DOK6: variants seen among roughly 807,000 people sequenced by gnomAD.
DOK6 encodes the protein downstream of tyrosine kinase 6.
Under a neutral mutation model 44.0 loss-of-function variants are expected in DOK6, and 22 were observed. The ratio of observed to expected loss-of-function variants is 0.50; its 90% CI spans 0.36 to 0.71. The LOEUF (loss-of-function observed/expected upper bound fraction) is 0.71. Ranked by LOEUF, DOK6 falls within the 30% of genes least tolerant of loss-of-function variation. The pLI is 0.00. For synonymous variants in DOK6, 166 were observed against 145.5 expected (o/e 1.14, Z -1.01); for missense variants, 340 against 416.4 (o/e 0.82, Z 1.60).
intron 5 of DOK6, among the ~76,000 whole-genome samples, chr18:69,728,224 C>T (rs543647729): frequency 6.6e-6 from 1 of 152,334 alleles, no homozygotes; most frequent in Admixed American, 6.5e-5. Flanking sequence ...CTTTAGCTCA[C>T]CTATCTAGAG....
chr18:69,636,412 G>A (rs1984810777), intron 3 of DOK6, among the ~76,000 whole-genome samples: 1 of 152,166 alleles, frequency 6.6e-6, no homozygotes, highest in Non-Finnish European at 1.5e-5. Context: ...TTCTGTCTAT[G>A]TATATGGCCT....
chr18:69,532,944 A>G (rs1982025446), intron 1 of DOK6: 1 of 152,158 alleles, frequency 6.6e-6, no homozygotes. Context: ...CAAAGTAAAC[A>G]TTGTTTTCTC....
intron 1 of DOK6, among the ~76,000 whole-genome samples, chr18:69,434,671 C>G (rs1978899380): frequency 9.5e-6 from 1 of 104,776 alleles, no homozygotes; most frequent in East Asian, 5.5e-4. Flanking sequence ...CGCCTGTAAT[C>G]CCAGCACTTT....
At chr18:69,574,888 C>T (rs1434827916) in intron 2 of DOK6, among the ~76,000 whole-genome samples, 1 of 151,836 alleles carries the variant, frequency 6.6e-6, no homozygotes, top group Non-Finnish European at 1.5e-5. Flanking sequence ...TTATAATATT[C>T]CCACTTCCCA....
At chr18:69,596,403 A>C (rs1983741263) in intron 2 of DOK6, among the ~76,000 whole-genome samples, 1 of 152,174 alleles carries the variant, frequency 6.6e-6, no homozygotes, top group Non-Finnish European at 1.5e-5. Context: ...AAGTAGGATA[A>C]ATGCAAAGTG....
intron 1 of DOK6, among the ~76,000 whole-genome samples, chr18:69,459,111 A>T (rs546273027): frequency 1.1e-3 from 107 of 99,412 alleles, no homozygotes; most frequent in Non-Finnish European, 1.7e-3. Flanking sequence ...CCCCCCCCCA[A>T]AAAAAAGGAA....
At chr18:69,687,806 A>G (rs1431784643) in intron 4 of DOK6, among the ~76,000 whole-genome samples, 3 of 152,186 alleles carry the variant, frequency 2.0e-5, no homozygotes, top group African/African-American at 7.2e-5. Flanking sequence ...TAAGGTTGGG[A>G]AAAAGGCAAA....
At chr18:69,477,850 T>C (rs1333584731) in intron 1 of DOK6, among the ~76,000 whole-genome samples, 1 of 152,356 alleles carries the variant, frequency 6.6e-6, no homozygotes, top group Non-Finnish European at 1.5e-5. Context: ...GTTATCTTCC[T>C]CCTACATTTG....
intron 4 of DOK6, among the ~76,000 whole-genome samples, chr18:69,691,184 A>AAAATAAATAAATAAATAAAT (rs149335802): frequency 7.1e-6 from 1 of 140,412 alleles, no homozygotes; most frequent in Admixed American, 7.1e-5. Flanking sequence ...ACTCTGTCTC[A>AAAATAAATAAATAAATAAAT]AAATAAATAA....
intron 5 of DOK6, among the ~76,000 whole-genome samples, chr18:69,713,850 T>C (rs949021947): frequency 6.6e-6 from 1 of 152,304 alleles, no homozygotes; most frequent in South Asian, 2.1e-4. Context: ...TATATCACCA[T>C]GAAACGTGAT....
intron 4 of DOK6, among the ~76,000 whole-genome samples, chr18:69,683,170 A>G (rs1986080336): frequency 6.8e-6 from 1 of 147,454 alleles, no homozygotes. Context: ...TGCATCAGGA[A>G]AAAAAAAAAA....
intron 1 of DOK6, among the ~76,000 whole-genome samples, chr18:69,500,414 G>A (rs2144547858): frequency 6.6e-6 from 1 of 151,998 alleles, no homozygotes; most frequent in East Asian, 1.9e-4. Context: ...GGTCTCTCCT[G>A]GCCACCTCTC....
At chr18:69,644,121 TG>T (rs765128957) in intron 3 of DOK6, among the ~76,000 whole-genome samples, 2 of 152,194 alleles carry the variant, frequency 1.3e-5, no homozygotes, top group Non-Finnish European at 2.9e-5. Flanking sequence ...TTACTATTGA[TG>T]TTGGAGAGTT....
At chr18:69,762,838 G>A (rs747637809) in intron 7 of DOK6, among the ~76,000 whole-genome samples, 2 of 152,262 alleles carry the variant, frequency 1.3e-5, no homozygotes, top group East Asian at 1.9e-4. Flanking sequence ...AGATACACAC[G>A]TAAAGATTGA....
chr18:69,712,353 G>A (rs1369805858), intron 5 of DOK6, among the ~76,000 whole-genome samples: 2 of 124,158 alleles, frequency 1.6e-5, no homozygotes, highest in Admixed American at 1.7e-4. Context: ...TCACATTTGT[G>A]TAGAAAATCA....
chr18:69,487,260 C>T (rs1325990728), intron 1 of DOK6, among the ~76,000 whole-genome samples: 1 of 151,296 alleles, frequency 6.6e-6, no homozygotes, highest in African/African-American at 2.4e-5. Context: ...GGTATCAGCC[C>T]TCACTTTTCA....
intron 4 of DOK6, among the ~76,000 whole-genome samples, chr18:69,679,150 T>C (rs1985990179): frequency 6.6e-6 from 1 of 152,162 alleles, no homozygotes. Flanking sequence ...TAGTCCAGCC[T>C]GGGTGACAGA....
chr18:69,659,867 A>ACATATATGTATGTTTTATATATAT (rs1985471653), intron 3 of DOK6: 6 of 30,392 alleles, frequency 2.0e-4, no homozygotes, highest in Admixed American at 5.2e-4. Flanking sequence ...TATATATATA[A>ACATATATGTATGTTTTATATATAT]AACATATATG....
intron 3 of DOK6, among the ~76,000 whole-genome samples, chr18:69,612,006 G>A (rs544308624): frequency 4.6e-5 from 7 of 151,964 alleles, no homozygotes; most frequent in African/African-American, 1.7e-4. Flanking sequence ...AAGATCAGTG[G>A]ACTATCAATG....
Sources: allele counts gnomAD v4.1 joint callset (sites outside exome capture counted in the v4.1 genomes callset), GRCh38; gene constraint gnomAD v4.1.1; transcripts MANE v1.5; gene names NCBI Gene and HGNC (gene_info 2026-07-23, HGNC 2026-07-21).